ACVR1C: variants seen among roughly 807,000 people sequenced by gnomAD.
ACVR1C encodes activin A receptor type 1C.
A neutral mutation model predicts 57.9 loss-of-function variants in ACVR1C; 23 were observed. The observed-to-expected ratio is 0.40, with a 90% CI of 0.29 to 0.56. The LOEUF (loss-of-function observed/expected upper bound fraction) is 0.56, where lower values mean the gene tolerates loss of function less well. Among genes scored for constraint, ACVR1C ranks in the 20% least tolerant of loss-of-function variants. The pLI is 0.50. For missense variants in ACVR1C, 480 were observed against 607.9 expected, an observed-to-expected ratio of 0.79 and a Z score of 2.21; for synonymous variants, 214 against 215.3, an observed-to-expected ratio of 0.99 and a Z score of 0.05.
At chr2:157,601,006 T>C (rs997496683) in intron 1 of ACVR1C, among the ~76,000 whole-genome samples, 2 of 152,146 alleles carry the variant, frequency 1.3e-5, no homozygotes, top group Admixed American at 1.3e-4. Context: ...TTCTAGGAAT[T>C]GTCATAAGTA....
At chr2:157,596,180 T>C (rs1682103204) in intron 1 of ACVR1C, among the ~76,000 whole-genome samples, 1 of 152,256 alleles carries the variant, frequency 6.6e-6, no homozygotes, top group Non-Finnish European at 1.5e-5. Context: ...AAGTTTCTTC[T>C]CAATTTGAAA....
At chr2:157,627,685 T>TA (rs1682926715) in intron 1 of ACVR1C, among the ~76,000 whole-genome samples, 1 of 152,244 alleles carries the variant, frequency 6.6e-6, no homozygotes, top group Admixed American at 6.5e-5. Flanking sequence ...ACCAGATTTT[T>TA]ATGTGCAAAT....
chr2:157,584,982 C>T (rs987593080), intron 2 of ACVR1C, among the ~76,000 whole-genome samples: 6 of 152,142 alleles, frequency 3.9e-5, no homozygotes, highest in Admixed American at 3.9e-4. Context: ...GCCAGTTCCT[C>T]CCCCTCTTAA....
At position 157,531,521 on chromosome 2, in the gene ACVR1C, C is replaced by G. The variant is rs1454257144; in HGVS notation, c.*2397G>C. 1.3e-5 allele frequency: 2 copies of G among 151,858 alleles called. No individual in the cohort carries two copies. The highest frequency in any genetic ancestry group is 6.6e-5 in the Admixed American group (1 of 15,220). The allele number at this position is 151,858 out of a possible 1,614,324, so 9.4% of individuals were successfully genotyped here. ...AGAAAAATGGAGATGGTAAAAAATC[C>G]TCTCTTAAAAATTCAATAAGCATAT... On this transcript the variant is annotated 3_prime_UTR_variant, in exon 9 of 9. Coordinates refer to ENST00000243349, the MANE Select transcript of ACVR1C (RefSeq NM_145259.3).
rs1231859293 is a variant in ACVR1C, at chr2:157,532,989, C to A, written c.*929G>T. 2 of 152,022 alleles carry A rather than the reference C, an allele frequency of 1.3e-5. 1 individual carries two copies. Among genetic ancestry groups the A allele is most frequent in the Non-Finnish European group, 2.9e-5 (2 of 67,990 alleles). 9.4% of individuals were successfully genotyped at this position (152,022 alleles called of 1,614,324 possible). A position where few individuals can be genotyped will look rare whatever the true frequency, so the allele number is the denominator to read the frequency against. ...TAATGCTCATTAACAAATGGGGTAA[C>A]CATGATATTTCTATGAGAAAAAATG... is the stretch of plus-strand genomic sequence containing the variant. On this transcript the variant is annotated 3_prime_UTR_variant, in exon 9 of 9. Transcript: ENST00000243349.
intron 1 of ACVR1C, among the ~76,000 whole-genome samples, chr2:157,613,631 G>C (rs1190527414): frequency 6.6e-6 from 1 of 151,980 alleles, no homozygotes; most frequent in Non-Finnish European, 1.5e-5. Flanking sequence ...ATTGTCATAT[G>C]GTTTTCTTTA....
intron 1 of ACVR1C, among the ~76,000 whole-genome samples, chr2:157,601,458 A>T (rs909362268): frequency 6.6e-5 from 10 of 152,170 alleles, no homozygotes; most frequent in Non-Finnish European, 1.2e-4. Flanking sequence ...TTCAAGACAT[A>T]AAAGTATAAA....
intron 1 of ACVR1C, among the ~76,000 whole-genome samples, chr2:157,620,192 T>C (rs1178363015): frequency 6.6e-6 from 1 of 152,122 alleles, no homozygotes; most frequent in Non-Finnish European, 1.5e-5. Flanking sequence ...TATACATTTA[T>C]TATTCTATAA....
chr2:157,609,284 T>A (rs1256670810), intron 1 of ACVR1C, among the ~76,000 whole-genome samples: 2 of 151,986 alleles, frequency 1.3e-5, no homozygotes, highest in African/African-American at 4.8e-5. Flanking sequence ...TTTCCAAATT[T>A]CCTCTTGGTA....
chr2:157,614,746 T>C (rs2105152407), intron 1 of ACVR1C, among the ~76,000 whole-genome samples: 1 of 152,318 alleles, frequency 6.6e-6, no homozygotes, highest in East Asian at 1.9e-4. Context: ...CTATGGAATA[T>C]CCCTTGCAGC....
chr2:157,588,040 A>C (rs1168219715), intron 1 of ACVR1C, among the ~76,000 whole-genome samples: 1 of 152,000 alleles, frequency 6.6e-6, no homozygotes, highest in Non-Finnish European at 1.5e-5. Context: ...CTCACTAAAG[A>C]ACGTATACTA....
chr2:157,564,134 G>A (rs544549612), intron 2 of ACVR1C, among the ~76,000 whole-genome samples: 3 of 152,174 alleles, frequency 2.0e-5, no homozygotes, highest in Non-Finnish European at 2.9e-5. Context: ...ATTAAACTAA[G>A]AGCTTCTGCA....
At chr2:157,565,311 G>A (rs867837150) in intron 2 of ACVR1C, among the ~76,000 whole-genome samples, 21 of 152,146 alleles carry the variant, frequency 1.4e-4, no homozygotes, top group African/African-American at 4.3e-4. Context: ...TAGTCCTCCC[G>A]TGTGAATCTG....
chr2:157,576,835 C>CTTTTTTTTT (rs1166673398), intron 2 of ACVR1C, among the ~76,000 whole-genome samples: 6 of 41,716 alleles, frequency 1.4e-4, no homozygotes, highest in African/African-American at 8.2e-4. Flanking sequence ...TTGAAATTTT[C>CTTTTTTTTT]TTTTTTTTTT....
intron 7 of ACVR1C, among the ~76,000 whole-genome samples, chr2:157,539,790 C>T (rs1687577676): frequency 6.6e-6 from 1 of 152,136 alleles, no homozygotes; most frequent in Non-Finnish European, 1.5e-5. Flanking sequence ...GGAATTCAAA[C>T]CCTAGTGTCC....
intron 4 of ACVR1C, among the ~76,000 whole-genome samples, chr2:157,544,913 A>G (rs928200338): frequency 2.0e-5 from 3 of 152,232 alleles, no homozygotes; most frequent in African/African-American, 7.2e-5. Context: ...TGGCAATAGT[A>G]ACCACATTAT....
chr2:157,604,041 T>C (rs185617462), intron 1 of ACVR1C, among the ~76,000 whole-genome samples: 30 of 152,236 alleles, frequency 2.0e-4, no homozygotes, highest in Admixed American at 8.5e-4. Context: ...TGTTAGGACA[T>C]TAATTCTAAA....
Position 157,538,563 on chromosome 2 carries a change from A to T in ACVR1C, c.1356+10T>A. Reference sequence around the variant, plus strand: ...TAATAAGAAAAATATAGATAAAAACATGGCCTTACTTCACAACTTTGCCAC... The same window carrying T: ...TAATAAGAAAAATATAGATAAAAACTTGGCCTTACTTCACAACTTTGCCAC... On this transcript the variant is annotated intron_variant, in intron 8 of 8. Coordinates refer to ENST00000243349, the MANE Select transcript of ACVR1C (RefSeq NM_145259.3). The T allele has an allele frequency of 1.3e-6, 2 of 1,546,658 alleles. No homozygotes were observed. Among genetic ancestry groups the T allele is most frequent in the Non-Finnish European group, 1.7e-6 (2 of 1,153,660 alleles).
chr2:157,602,502 C>T (rs903671910), intron 1 of ACVR1C, among the ~76,000 whole-genome samples: 1 of 152,054 alleles, frequency 6.6e-6, no homozygotes, highest in Non-Finnish European at 1.5e-5. Flanking sequence ...CAATCTGAAA[C>T]GTTTATCTCA....
Sources: gnomAD v4.1 joint callset for allele counts (sites outside exome capture counted in the v4.1 genomes callset) on GRCh38, gnomAD v4.1.1 for gene constraint, MANE v1.5 for transcripts, NCBI Gene and HGNC (gene_info 2026-07-23, HGNC 2026-07-21) for gene names.